The following SERINC4 variants were observed in gnomAD, a reference collection of about 807,000 sequenced individuals.
The protein encoded by SERINC4 is serine incorporator 4.
SERINC4 carries 52 observed loss-of-function variants against 52.0 expected under a neutral mutation model. That is an observed-to-expected ratio of 1.00 (90% CI 0.80 to 1.26). SERINC4 has a LOEUF of 1.26. Among genes scored for constraint, SERINC4 ranks in the 50% most tolerant of loss-of-function variants. The pLI is 0.00. For missense variants in SERINC4, 723 were observed against 632.8 expected, an observed-to-expected ratio of 1.14 and a Z score of -1.53; for synonymous variants, 264 against 247.7, an observed-to-expected ratio of 1.07 and a Z score of -0.62.
intron 1 of SERINC4, 70 bp from the exon 2 acceptor site, chr15:43,799,556 G>T: frequency 6.6e-7 from 1 of 1,519,104 alleles, no homozygotes; most frequent in Non-Finnish European, 8.9e-7. Context: ...TAATGTATGT[G>T]TGAGGTTAAC....
rs760301302 is a variant in SERINC4, at chr15:43,794,478, A to G, written c.*522T>C. On this transcript the variant is annotated 3_prime_UTR_variant, in exon 12 of 12. Transcript: ENST00000319327. The stretch of plus-strand genomic sequence containing the variant: ...CTTTCTCTTCTGTCATTCCTCATGG[A>G]ATGAGGGTGGTTTTGTCTTCCCGCT... The G allele has an allele frequency of 1.1e-4, 17 of 160,748 alleles. No individual in the cohort carries two copies. Among genetic ancestry groups the G allele is most frequent in the Non-Finnish European group, 1.8e-4 (13 of 72,672 alleles). 10.0% of individuals were successfully genotyped at this position (160,748 alleles called of 1,614,324 possible).
rs1401709594 is a variant in SERINC4, at chr15:43,799,360, G to C, written c.229C>G (p.Leu77Val). The change falls in exon 2 of 12, where the codon CTC becomes GTC. Residue 77 changes from leucine (L) to valine (V), a missense_variant. Physicochemically the swap from Leu to Val is conservative, Grantham distance 32. Coordinates refer to ENST00000319327, the MANE Select transcript of SERINC4 (RefSeq NM_001258031.2). ...TCCACTACTGTCCTTGACAGCAGGAGGCAGCAGATTGCTGAGGCCCCCACA... is the reference window on the plus strand; with the variant it reads ...TCCACTACTGTCCTTGACAGCAGGACGCAGCAGATTGCTGAGGCCCCCACA... Reference protein sequence around the residue: ...LHVGASAICCLLLSRTVVERV... With the variant: ...LHVGASAICCVLLSRTVVERV... 1.3e-6 allele frequency: 2 copies of C among 1,551,124 alleles called. No homozygotes were observed. Among genetic ancestry groups the C allele is most frequent in the Non-Finnish European group, 1.7e-6 (2 of 1,147,106 alleles).
chr15:43,795,518 GCCTCGCAGCCCCACCC>G lies in SERINC4; in HGVS notation c.1197_1212del (p.Arg399SerfsTer98), dbSNP rs1240095124. 1 of 1,614,138 alleles carries G rather than the reference GCCTCGCAGCCCCACCC, an allele frequency of 6.2e-7. No individual in the cohort carries two copies. Among genetic ancestry groups the G allele is most frequent in the East Asian group, 2.2e-5 (1 of 44,888 alleles). On this transcript the variant is annotated frameshift_variant, in exon 11 of 12. Coordinates refer to ENST00000319327, the MANE Select transcript of SERINC4 (RefSeq NM_001258031.2). LOFTEE classifies it high-confidence loss of function. ...GCTGGAGGGGTTTCTTGGTCAGCTGGCCTCGCAGCCCCACCCCTTTGCCCTGGAGAGAGGAAATGGC... is the reference window on the plus strand; with the variant it reads ...GCTGGAGGGGTTTCTTGGTCAGCTGGCTTTGCCCTGGAGAGAGGAAATGGC...
At chr15:43,795,912 T>G (rs1480878874) in intron 9 of SERINC4, 176 bp from the exon 10 acceptor site, 2 of 675,378 alleles carry the variant, frequency 3.0e-6, no homozygotes, top group Non-Finnish European at 5.0e-6. Context: ...GTTTAATCTT[T>G]TGTGCCTCGA....
At chr15:43,799,554 G>GCCTT in intron 1 of SERINC4, 68 bp from the exon 2 acceptor site, 1 of 1,527,826 alleles carries the variant, frequency 6.5e-7, no homozygotes, top group Non-Finnish European at 8.9e-7. Flanking sequence ...GTTAATGTAT[G>GCCTT]TGTGAGGTTA....
intron 5 of SERINC4, chr15:43,797,612 C>G: frequency 5.9e-6 from 3 of 511,876 alleles, no homozygotes; most frequent in Non-Finnish European, 1.1e-5. Context: ...AGGCTGGTCT[C>G]AAACTCCTGA....
intron 6 of SERINC4, 28 bp downstream of exon 6, chr15:43,797,117 C>G: frequency 6.5e-7 from 1 of 1,546,142 alleles, no homozygotes; most frequent in Non-Finnish European, 8.8e-7. Context: ...GCCCCCAAAA[C>G]CTGGAATGCT....
rs2087199064 is a variant in SERINC4 at position 43,795,727 on chromosome 15, G to C, written c.1150C>G (p.Leu384Val). 2.5e-6 allele frequency: 4 copies of C among 1,613,970 alleles called. No individual in the cohort carries two copies. Among genetic ancestry groups the C allele is most frequent in the African/African-American group, 1.3e-5 (1 of 75,046 alleles). The change falls in exon 10 of 12, where the codon CTG (leucine) becomes GTG (valine). Residue 384 changes from leucine to valine, a missense_variant. Leu to Val is a conservative substitution (Grantham distance 32). Coordinates refer to ENST00000319327, the MANE Select transcript of SERINC4 (RefSeq NM_001258031.2). ...ACTGTTTCAGGGCAGCAGAAACACA[G>C]TGAGGGCTTCTGCAAAACAGAACGC... ...VYSYEFQKPS[L>V]CFCCPETVEA...
rs1312883202 is a variant in SERINC4 at position 43,795,383 on chromosome 15, C to T, written c.1343+5G>A. ...GGAGAGTATCTAAGGCCCACTCCAT[C>T]TTACCTGAACCAGTTGGTAAGGGTA... is the stretch of plus-strand genomic sequence containing the variant. On this transcript the variant is annotated splice_donor_5th_base_variant and intron_variant, in intron 11 of 11. Coordinates refer to ENST00000319327, the MANE Select transcript of SERINC4 (RefSeq NM_001258031.2). 1 of 1,614,184 alleles carries T rather than the reference C, an allele frequency of 6.2e-7. No individual in the cohort carries two copies. Among genetic ancestry groups the T allele is most frequent in the South Asian group, 1.1e-5 (1 of 91,082 alleles).
rs1567173002 is a variant in SERINC4, at chr15:43,799,893, A to G, written c.94T>C (p.Phe32Leu). 2 of 1,548,018 alleles carry G rather than the reference A, an allele frequency of 1.3e-6. No homozygotes were observed. The highest frequency in any genetic ancestry group is 1.7e-6 in the Non-Finnish European group (2 of 1,145,770). ...CCTTCGCACCCTCTCACCTGACAGA[A>G]GGGACTTTTCACTAGGACACTGCTG... is the stretch of plus-strand genomic sequence containing the variant. ...GGSSVLVKSP[F>L]CQVCCCGPAP... The change falls in exon 1 of 12, where the codon TTC becomes CTC. Residue 32 changes from phenylalanine to leucine, a missense_variant. Coordinates refer to ENST00000319327, the MANE Select transcript of SERINC4 (RefSeq NM_001258031.2).
chr15:43,799,005 C>A lies in SERINC4; in HGVS notation c.412G>T (p.Val138Phe). ...TFHLLQAVLL[V>F]HLHSPTSPRA... Reference sequence around the variant, plus strand: ...GGGCTGGTGGGGGAGTGGAGGTGGACCAGCAACACAGCCTGCAGCAGGTGG... The same window carrying A: ...GGGCTGGTGGGGGAGTGGAGGTGGAACAGCAACACAGCCTGCAGCAGGTGG... Residue 138 changes from valine to phenylalanine, a missense_variant, in exon 3 of 12, where the codon GTC becomes TTC. By Grantham distance (50) the Val-to-Phe change is conservative (BLOSUM62 -1). Coordinates refer to ENST00000319327, the MANE Select transcript of SERINC4 (RefSeq NM_001258031.2). 6.4e-7 allele frequency: 1 copy of A among 1,550,480 alleles called. No individual in the cohort carries two copies.
intron 4 of SERINC4, 176 bp from the exon 5 acceptor site, chr15:43,798,189 A>G: frequency 1.6e-6 from 1 of 617,238 alleles, no homozygotes; most frequent in South Asian, 1.9e-5. Flanking sequence ...AGCTGGGATT[A>G]CAGGTGCGTG....
chr15:43,800,012 T>A lies in SERINC4; in HGVS notation c.-26A>T, dbSNP rs2087288739. ...CCTTGTCCCAGGGATTAGGCTTAGG[T>A]CCACCAGATGGAAGGCAGATGAGAG... On this transcript the variant is annotated 5_prime_UTR_variant, in exon 1 of 12. Coordinates refer to ENST00000319327, the MANE Select transcript of SERINC4 (RefSeq NM_001258031.2). 1 of 1,471,960 alleles carries A rather than the reference T, an allele frequency of 6.8e-7. No individual in the cohort carries two copies. Among genetic ancestry groups the A allele is most frequent in the Non-Finnish European group, 9.1e-7 (1 of 1,103,262 alleles). The allele number at this position is 1,471,960 out of a possible 1,614,324, so 91.2% of individuals were successfully genotyped here. A position where few individuals can be genotyped will look rare whatever the true frequency, so the allele number is the denominator to read the frequency against.
intron 5 of SERINC4, 142 bp downstream of exon 5, chr15:43,797,778 C>T: frequency 3.1e-6 from 2 of 635,504 alleles, no homozygotes; most frequent in Non-Finnish European, 5.7e-6. Context: ...CCCACGCAGT[C>T]ATCACATTCC....
chr15:43,796,047 G>T (rs2141690038), intron 9 of SERINC4, 108 bp downstream of exon 9: 1 of 825,748 alleles, frequency 1.2e-6, no homozygotes, highest in Non-Finnish European at 2.1e-6. Flanking sequence ...TCAATAAAAG[G>T]TAACAGCAGC....
At chr15:43,796,460 A>T in intron 8 of SERINC4, 156 bp downstream of exon 8, 1 of 856,130 alleles carries the variant, frequency 1.2e-6, no homozygotes, top group Non-Finnish European at 1.8e-6. Flanking sequence ...CATCTGACAA[A>T]GTACTATTCT....
chr15:43,798,967 C>T lies in SERINC4; in HGVS notation c.450G>A (p.Leu150=). ...LHSPTSPRAQ[L]HNSFWLLKLL... Reference sequence around the variant, plus strand: ...AGAAAGTACACACAAACCTATTATGCAGCTGTGCCCGCGGGCTGGTGGGGG... The same window carrying T: ...AGAAAGTACACACAAACCTATTATGTAGCTGTGCCCGCGGGCTGGTGGGGG... Residue 150 remains leucine, a synonymous_variant, in exon 3 of 12, where the codon CTG becomes CTA. Coordinates refer to ENST00000319327, the MANE Select transcript of SERINC4 (RefSeq NM_001258031.2). 1.3e-6 allele frequency: 2 copies of T among 1,550,574 alleles called. No homozygotes were observed. Among genetic ancestry groups the T allele is most frequent in the Non-Finnish European group, 1.7e-6 (2 of 1,146,992 alleles).
chr15:43,798,065 T>C, intron 4 of SERINC4, 52 bp from the exon 5 acceptor site: 1 of 1,386,948 alleles, frequency 7.2e-7, no homozygotes, highest in East Asian at 2.3e-5. Context: ...TTTTTTTTTT[T>C]TTGAGACAGA....
Position 43,797,277 on chromosome 15 carries a change from C to T in SERINC4, c.712G>A (p.Val238Met), listed in dbSNP as rs1296292466. The part of the protein sequence containing the change: ...ATLGFYSMAG[V>M]GAVLLFHYYT... ...TAGTGGAATAGGAGCACAGCTCCCA[C>T]ACCTGCCATGCTGTAGAATCCTAGG... The change falls in exon 6 of 12, where the codon GTG becomes ATG. Residue 238 changes from valine (V) to methionine (M), a missense_variant. By Grantham distance (21) the Val-to-Met change is conservative. Transcript: ENST00000319327. The T allele has an allele frequency of 6.5e-7, 1 of 1,549,946 alleles. No homozygotes were observed. The highest frequency in any genetic ancestry group is 1.4e-5 in the African/African-American group (1 of 73,028).
Sources: allele counts gnomAD v4.1 joint callset, GRCh38; gene constraint gnomAD v4.1.1; transcripts MANE v1.5; gene names NCBI Gene and HGNC (gene_info 2026-07-23, HGNC 2026-07-21).